The following ZFP14 variants were observed in gnomAD, a reference collection of about 807,000 sequenced individuals.
ZFP14 encodes zinc finger protein 14 homolog.
In ZFP14, 22 loss-of-function variants were observed where a neutral mutation model predicts 54.5. The ratio of observed to expected loss-of-function variants is 0.40; its 90% confidence interval spans 0.29 to 0.58. ZFP14 has a LOEUF of 0.58. ZFP14 is among the 20% of genes least tolerant of loss of function. The pLI, the probability that ZFP14 is intolerant of heterozygous loss-of-function variation, is 0.39. For missense variants in ZFP14, 470 were observed against 637.8 expected, an observed-to-expected ratio of 0.74 and a Z score of 2.83; for synonymous variants, 159 against 204.0, an observed-to-expected ratio of 0.78 and a Z score of 1.88.
intron 4 of ZFP14, among the ~76,000 whole-genome samples, chr19:36,349,459 G>GT: frequency 6.6e-6 from 1 of 150,646 alleles, no homozygotes; most frequent in Non-Finnish European, 1.5e-5. Context: ...GAGCTCAGGA[G>GT]TTTGAGCCCA....
intron 4 of ZFP14, among the ~76,000 whole-genome samples, chr19:36,345,926 CAAAG>C (rs1009610797): frequency 9.2e-5 from 14 of 151,792 alleles, no homozygotes; most frequent in Non-Finnish European, 1.9e-4. Context: ...TACTGAGGAA[CAAAG>C]AATGAAGAAA....
chr19:36,334,838 C>T lies in ZFP14; in HGVS notation c.*5386G>A, dbSNP rs1184929669. ...ATGTCTTTACTAAATCTTTGGCAAA[C>T]TGATCATGTATACTTTGAATTCCTC... is the stretch of plus-strand genomic sequence containing the variant. On this transcript the variant is annotated 3_prime_UTR_variant, in exon 5 of 5. Coordinates refer to ENST00000270001, the MANE Select transcript of ZFP14 (RefSeq NM_020917.3). The T allele has an allele frequency of 6.6e-6, 1 of 152,100 alleles. No individual in the cohort carries two copies. Among genetic ancestry groups the T allele is most frequent in the Non-Finnish European group, 1.5e-5 (1 of 68,036 alleles). 9.4% of individuals were successfully genotyped at this position (152,100 alleles called of 1,614,324 possible).
intron 4 of ZFP14, among the ~76,000 whole-genome samples, chr19:36,357,269 C>G (rs1364855754): frequency 6.6e-6 from 1 of 152,184 alleles, no homozygotes; most frequent in Non-Finnish European, 1.5e-5. Context: ...TCTCAAACTC[C>G]CAATATCAGG....
At chr19:36,373,745 T>C (rs1010423692) in intron 1 of ZFP14, among the ~76,000 whole-genome samples, 3 of 150,768 alleles carry the variant, frequency 2.0e-5, no homozygotes, top group African/African-American at 7.3e-5. Context: ...ACCTTGTCTC[T>C]ACAAAAAAAT....
Position 36,339,943 on chromosome 19 carries a change from AG to A in ZFP14, c.*280del, listed in dbSNP as rs2031278920. On this transcript the variant is annotated 3_prime_UTR_variant, in exon 5 of 5. Transcript: ENST00000270001. ...ACAAGTCAGCAAAATGAGGCACAGA[AG>A]CTTAGTATCTTGTCCAATAAATCAA... is the stretch of plus-strand genomic sequence containing the variant. The A allele has an allele frequency of 6.9e-6, 2 of 290,862 alleles. No homozygotes were observed. Among genetic ancestry groups the A allele is most frequent in the Non-Finnish European group, 1.3e-5 (2 of 157,666 alleles). 18.0% of individuals were successfully genotyped at this position (290,862 alleles called of 1,614,324 possible).
intron 3 of ZFP14, 85 bp from the exon 4 acceptor site, chr19:36,360,618 A>G: frequency 8.2e-7 from 1 of 1,213,344 alleles, no homozygotes; most frequent in African/African-American, 1.5e-5. Flanking sequence ...TTAACTACAG[A>G]TCAATATGGC....
intron 2 of ZFP14, among the ~76,000 whole-genome samples, chr19:36,365,018 T>G (rs1408929957): frequency 3.1e-5 from 4 of 130,974 alleles, no homozygotes; most frequent in African/African-American, 9.2e-5. Flanking sequence ...TTTTTTTTTT[T>G]TTTTTGACAG....
chr19:36,341,588 A>C lies in ZFP14; in HGVS notation c.238T>G (p.Leu80Val). The C allele has an allele frequency of 2.6e-6, 4 of 1,549,986 alleles. No individual in the cohort carries two copies. The highest frequency in any genetic ancestry group is 3.5e-6 in the Non-Finnish European group (4 of 1,153,792). The change falls in exon 5 of 5, where the codon TTG (leucine) becomes GTG (valine). Residue 80 changes from leucine (L) to valine (V), a missense_variant and splice_region_variant. Physicochemically the swap from Leu to Val is conservative, Grantham distance 32. Transcript: ENST00000270001. This position sits in a 1 kb window ranked among gnomAD's most constrained non-coding sequence, Gnocchi z 4.2. ...REGTRRYCPD[L>V]ESRYRTNTLS... The stretch of plus-strand genomic sequence containing the variant: ...GTATTGGTCCTGTATCTGGACTCCA[A>C]ATCTGAAAGAAAACAAGAAAGCAAA...
rs755670439 is a variant in ZFP14, at chr19:36,336,238, C to CATT, written c.*3985_*3986insAAT. On this transcript the variant is annotated 3_prime_UTR_variant, in exon 5 of 5. Transcript: ENST00000270001. ...ACTTTCTACTGTTACTTGGCTGTTC[C>CATT]TTTTTTTTTTTTTTTTTTTTTGACA... 8.7e-5 allele frequency: 9 copies of CATT among 103,474 alleles called. No homozygotes were observed. The highest frequency in any genetic ancestry group is 3.5e-4 in the African/African-American group (9 of 25,514). The allele number at this position is 103,474 out of a possible 1,614,324, so 6.4% of individuals were successfully genotyped here. A position where few individuals can be genotyped will look rare whatever the true frequency, so the allele number is the denominator to read the frequency against.
At chr19:36,375,801 C>G (rs2031952581) in intron 1 of ZFP14, among the ~76,000 whole-genome samples, 1 of 152,078 alleles carries the variant, frequency 6.6e-6, no homozygotes, top group African/African-American at 2.4e-5. Context: ...TCGTGATCTG[C>G]CCGCCTCGGC....
chr19:36,368,328 C>T (rs751604031), intron 1 of ZFP14, among the ~76,000 whole-genome samples: 5 of 152,140 alleles, frequency 3.3e-5, no homozygotes, highest in African/African-American at 4.8e-5. Context: ...ATTAGCTGGG[C>T]GTGGTGGCAC....
At chr19:36,358,259 C>T (rs894565371) in intron 4 of ZFP14, among the ~76,000 whole-genome samples, 3 of 151,686 alleles carry the variant, frequency 2.0e-5, no homozygotes, top group Non-Finnish European at 2.9e-5. Context: ...TACAGGCGTG[C>T]GCCACTACAT....
rs62112569 is a variant in ZFP14, at chr19:36,337,864, C to G, written c.*2360G>C. ...AAAATCTCGCTATAAAATATTTCAC[C>G]TATTAGTTGTAGTACCCATTGAAGA... On this transcript the variant is annotated 3_prime_UTR_variant, in exon 5 of 5. Transcript: ENST00000270001. 0.19 allele frequency: 28,676 copies of G among 152,108 alleles called. 2,772 individuals carry two copies. Among genetic ancestry groups the G allele is most frequent in the Admixed American group, 0.21 (3,284 of 15,278 alleles). 9.4% of individuals were successfully genotyped at this position (152,108 alleles called of 1,614,324 possible). A position where few individuals can be genotyped will look rare whatever the true frequency, so the allele number is the denominator to read the frequency against.
At chr19:36,357,570 C>G (rs1448017292) in intron 4 of ZFP14, among the ~76,000 whole-genome samples, 1 of 152,098 alleles carries the variant, frequency 6.6e-6, no homozygotes, top group Non-Finnish European at 1.5e-5. Context: ...TGTTGAAAAG[C>G]CTTTCTTCTC....
chr19:36,359,919 C>T (rs1450390816), intron 4 of ZFP14, among the ~76,000 whole-genome samples: 2 of 152,072 alleles, frequency 1.3e-5, no homozygotes, highest in Admixed American at 6.6e-5. Flanking sequence ...CCTCCCAAAA[C>T]GCTGGGATTA....
At chr19:36,365,558 T>C (rs372833279) in intron 2 of ZFP14, among the ~76,000 whole-genome samples, 2 of 152,202 alleles carry the variant, frequency 1.3e-5, no homozygotes, top group East Asian at 1.9e-4. Context: ...CCTTGAATGA[T>C]AGTTATACAC....
chr19:36,362,378 G>A (rs2031724788), intron 2 of ZFP14, 140 bp from the exon 3 acceptor site: 2 of 773,360 alleles, frequency 2.6e-6, no homozygotes, highest in Admixed American at 3.3e-5. Flanking sequence ...TGTGACATGA[G>A]TAGGGGCCAG....
At chr19:36,350,800 A>G (rs1212046615) in intron 4 of ZFP14, among the ~76,000 whole-genome samples, 4 of 142,352 alleles carry the variant, frequency 2.8e-5, no homozygotes, top group African/African-American at 1.0e-4. Flanking sequence ...CTCTAAAACA[A>G]TATCTCTGAA....
intron 4 of ZFP14, among the ~76,000 whole-genome samples, chr19:36,348,640 G>A (rs1349930527): frequency 3.3e-5 from 5 of 152,136 alleles, no homozygotes; most frequent in African/African-American, 1.2e-4. Context: ...GGGATTACAG[G>A]TATGCACCAC....
Sources: gnomAD v4.1 joint callset for allele counts (sites outside exome capture counted in the v4.1 genomes callset) on GRCh38, gnomAD v4.1.1 for gene constraint, Gnocchi (gnomAD v3.1) non-coding constraint, MANE v1.5 for transcripts, NCBI Gene and HGNC (gene_info 2026-07-23, HGNC 2026-07-21) for gene names.